The following BLVRA variants were observed in gnomAD, a reference collection of about 807,000 sequenced individuals.
BLVRA encodes biliverdin reductase A.
A neutral mutation model predicts 32.8 loss-of-function variants in BLVRA; 22 were observed. That is an observed-to-expected ratio of 0.67 (90% CI 0.48 to 0.96). The LOEUF (loss-of-function observed/expected upper bound fraction) is 0.96, where lower values mean the gene tolerates loss of function less well. Among genes scored for constraint, BLVRA ranks in the 40% least tolerant of loss-of-function variants. The probability of loss-of-function intolerance (pLI) is 0.00; values close to 1 mark genes in which losing one functional copy is unlikely to be tolerated. For synonymous variants in BLVRA, 119 were observed against 141.3 expected, an observed-to-expected ratio of 0.84 and a Z score of 1.12; for missense variants, 323 against 358.1, an observed-to-expected ratio of 0.90 and a Z score of 0.79.
At chr7:43,806,085 G>A (rs2095803771) in intron 7 of BLVRA, among the ~76,000 whole-genome samples, 1 of 152,254 alleles carries the variant, frequency 6.6e-6, no homozygotes, top group South Asian at 2.1e-4. Context: ...GGCTAAGGCA[G>A]TTGGATCACC....
intron 2 of BLVRA, among the ~76,000 whole-genome samples, chr7:43,777,851 C>A (rs1035377275): frequency 6.6e-6 from 1 of 152,160 alleles, no homozygotes; most frequent in Non-Finnish European, 1.5e-5. Flanking sequence ...TCTTTTTATT[C>A]TTCTTTCTCT....
At chr7:43,774,043 T>C (rs865967605) in intron 2 of BLVRA, among the ~76,000 whole-genome samples, 48 of 152,348 alleles carry the variant, frequency 3.2e-4, no homozygotes, top group African/African-American at 1.1e-3. Flanking sequence ...ATATTAGCCC[T>C]TTGTCAGATG....
chr7:43,766,505 G>C (rs1365913055), intron 1 of BLVRA, among the ~76,000 whole-genome samples: 2 of 152,120 alleles, frequency 1.3e-5, no homozygotes, highest in Non-Finnish European at 2.9e-5. Flanking sequence ...TTAGGTCTTA[G>C]ATATTTTAAG....
Position 43,791,256 on chromosome 7 carries a change from C to T in BLVRA, c.142C>T (p.Leu48Phe). The change falls in exon 4 of 8, where the codon CTC (leucine) becomes TTC (phenylalanine). Residue 48 changes from leucine to phenylalanine, a missense_variant. Coordinates refer to ENST00000265523, the MANE Select transcript of BLVRA (RefSeq NM_000712.4). ...NLIGFVSRRE[L>F]GSIDGVQQIS... ...TCTGTTACTCTGAAATAGAAGGGAG[C>T]TCGGGAGCATTGATGGAGTCCAGCA... 6.2e-7 allele frequency: 1 copy of T among 1,614,114 alleles called. No individual in the cohort carries two copies. The highest frequency in any genetic ancestry group is 1.3e-5 in the African/African-American group (1 of 75,044).
chr7:43,758,339 C>A (rs140417693), upstream of BLVRA, among the ~76,000 whole-genome samples: 196 of 152,252 alleles, frequency 1.3e-3, no homozygotes, highest in African/African-American at 4.5e-3. Flanking sequence ...CTGCCCCCCC[C>A]ACGCCGGGGC....
intron 1 of BLVRA, among the ~76,000 whole-genome samples, chr7:43,766,786 C>T (rs1312087998): frequency 6.6e-6 from 1 of 152,202 alleles, no homozygotes; most frequent in Admixed American, 6.5e-5. Flanking sequence ...CTGCCAGTCA[C>T]TCACAGCTCT....
At position 43,803,771 on chromosome 7, in the gene BLVRA, G is replaced by A; in HGVS notation, c.556G>A (p.Val186Met). Residue 186 changes from valine (V) to methionine (M), a missense_variant, in exon 7 of 8, where the codon GTG (valine) becomes ATG (methionine). Val to Met is a conservative substitution (Grantham distance 21). Transcript: ENST00000265523. ...CTCCCTCTTTGGGGAGCTTTCTCTT[G>A]TGTCTGCCACTTTGGAAGAGCGAAA... is the stretch of plus-strand genomic sequence containing the variant. ...LVSLFGELSLVSATLEERKED... is the reference protein window; with the variant it reads ...LVSLFGELSLMSATLEERKED... The A allele has an allele frequency of 6.2e-7, 1 of 1,614,112 alleles. No homozygotes were observed. The highest frequency in any genetic ancestry group is 8.5e-7 in the Non-Finnish European group (1 of 1,179,994).
intron 3 of BLVRA, among the ~76,000 whole-genome samples, chr7:43,789,638 G>A (rs2095782974): frequency 6.6e-6 from 1 of 151,968 alleles, no homozygotes. Flanking sequence ...CAGCTCAGTG[G>A]GAACACCTAC....
At chr7:43,779,485 A>C (rs1484033012) in intron 2 of BLVRA, among the ~76,000 whole-genome samples, 1 of 152,208 alleles carries the variant, frequency 6.6e-6, no homozygotes, top group Non-Finnish European at 1.5e-5. Flanking sequence ...TTTTGTAATA[A>C]TGTAGACACA....
At chr7:43,803,573 T>C (rs1227319414) in intron 6 of BLVRA, 103 bp from the exon 7 acceptor site, 1 of 1,326,092 alleles carries the variant, frequency 7.5e-7, no homozygotes, top group Non-Finnish European at 1.1e-6. Context: ...TACTGATCAC[T>C]CGGCCACATC....
chr7:43,792,857 TATC>T, intron 5 of BLVRA, 45 bp downstream of exon 5: 1 of 1,561,104 alleles, frequency 6.4e-7, no homozygotes, highest in East Asian at 2.3e-5. Context: ...ATTTCTGTGA[TATC>T]ATCTTTATGC....
At chr7:43,794,288 T>C (rs2095789399) in intron 5 of BLVRA, among the ~76,000 whole-genome samples, 2 of 151,826 alleles carry the variant, frequency 1.3e-5, no homozygotes, top group East Asian at 3.9e-4. Context: ...ACCAAGTGAG[T>C]TGATCACTAC....
intron 3 of BLVRA, among the ~76,000 whole-genome samples, chr7:43,789,589 C>A (rs1055494616): frequency 6.6e-6 from 1 of 152,204 alleles, no homozygotes; most frequent in Non-Finnish European, 1.5e-5. Context: ...CTTTCCTTTT[C>A]CCTTAAGCCC....
rs1020014335 is a variant in BLVRA, at chr7:43,806,924, C to G, written c.633-53C>G. On this transcript the variant is annotated intron_variant, in intron 7 of 7. Transcript: ENST00000265523. The stretch of plus-strand genomic sequence containing the variant: ...GCGGTCTGGTGCCAGCAAGCACCCA[C>G]TTGTGCTCTTGTGTAATCTCTAACA... The G allele has an allele frequency of 1.3e-5, 21 of 1,607,984 alleles. No individual in the cohort carries two copies. The Admixed American group carries it at 3.2e-4, about 24-fold the overall frequency.
At chr7:43,796,788 T>C (rs1017746827) in intron 5 of BLVRA, among the ~76,000 whole-genome samples, 2 of 152,162 alleles carry the variant, frequency 1.3e-5, no homozygotes, top group Admixed American at 6.5e-5. Flanking sequence ...GGTGAAGATA[T>C]CTGCAAATCT....
intron 6 of BLVRA, among the ~76,000 whole-genome samples, chr7:43,803,284 A>G (rs976980409): frequency 6.9e-6 from 1 of 145,114 alleles, no homozygotes. Flanking sequence ...AAGAGGATAT[A>G]TATATATGTA....
intron 1 of BLVRA, chr7:43,767,333 C>T (rs899795852): frequency 2.6e-6 from 4 of 1,568,226 alleles, no homozygotes; most frequent in Non-Finnish European, 8.7e-7. Flanking sequence ...CTGCAGCCTC[C>T]TAAGTTCGGA....
In BLVRA at chr7:43,767,845, C is replaced by CAA. The variant is rs34361520; in HGVS notation, c.-21-3284_-21-3283dup. ...TAGTTACAAATAGATATGTTAATTACAAAAAAAAAAGAAAGGGAGAGCAAG... is the reference window on the plus strand; with the variant it reads ...TAGTTACAAATAGATATGTTAATTACAAAAAAAAAAAAGAAAGGGAGAGCAAG... On this transcript the variant is annotated intron_variant, in intron 1 of 7. Coordinates refer to ENST00000265523, the MANE Select transcript of BLVRA (RefSeq NM_000712.4). 1.3e-3 allele frequency among the ~76,000 whole-genome samples: 193 copies of CAA among 147,910 alleles called. No individual in the cohort carries two copies. The South Asian group carries it at 0.015, about 11-fold the overall frequency.
chr7:43,798,197 C>CAAAAAAAAAA (rs56855757), intron 5 of BLVRA, among the ~76,000 whole-genome samples: 16 of 45,194 alleles, frequency 3.5e-4, no homozygotes, highest in Non-Finnish European at 5.6e-4. Flanking sequence ...CCCCATCTCA[C>CAAAAAAAAAA]AAAAAAAAAA....
Sources: gnomAD v4.1 joint callset for allele counts (sites outside exome capture counted in the v4.1 genomes callset) on GRCh38, gnomAD v4.1.1 for gene constraint, MANE v1.5 for transcripts, NCBI Gene and HGNC (gene_info 2026-07-23, HGNC 2026-07-21) for gene names.